The following ATP6V1B1 variants were observed in gnomAD, a reference collection of about 807,000 sequenced individuals.
The protein encoded by ATP6V1B1 is V-type proton ATPase subunit B, kidney isoform.
ATP6V1B1 carries 41 observed loss-of-function variants against 62.1 expected under a neutral mutation model. That is an observed-to-expected ratio of 0.66 (90% CI 0.51 to 0.86). The LOEUF (loss-of-function observed/expected upper bound fraction) is 0.86, where lower values mean the gene tolerates loss of function less well. Ranked by LOEUF, ATP6V1B1 falls within the 40% of genes least tolerant of loss-of-function variation. The pLI, the probability that ATP6V1B1 is intolerant of heterozygous loss-of-function variation, is 0.00. For missense variants in ATP6V1B1, 651 were observed against 697.5 expected (o/e 0.93, Z 0.75); for synonymous variants, 253 against 273.4 (o/e 0.93, Z 0.74).
intron 7 of ATP6V1B1, 75 bp downstream of exon 7, chr2:70,961,097 A>G: frequency 6.9e-7 from 1 of 1,449,310 alleles, no homozygotes. Context: ...CCCTGGCATG[A>G]CCTGATCTGA....
chr2:70,941,654 A>G, intron 1 of ATP6V1B1: 3 of 916,200 alleles, frequency 3.3e-6, no homozygotes, highest in Non-Finnish European at 3.9e-6. Flanking sequence ...TGTCACTTTC[A>G]TTTGCCTAGC....
At chr2:70,944,738 G>A (rs1160413443) in intron 2 of ATP6V1B1, among the ~76,000 whole-genome samples, 1 of 146,658 alleles carries the variant, frequency 6.8e-6, no homozygotes, top group African/African-American at 2.5e-5. Context: ...GCGCAATCTC[G>A]GCTCACTGCA....
At position 70,957,840 on chromosome 2, in the gene ATP6V1B1, C is replaced by G. The variant is rs180866890; in HGVS notation, c.175-206C>G. 4.3e-3 allele frequency: 2,564 copies of G among 601,970 alleles called. 40 individuals carry two copies. Among genetic ancestry groups the G allele is most frequent in the South Asian group, 0.024 (1,304 of 53,950 alleles). The allele number at this position is 601,970 out of a possible 1,614,324, so 37.3% of individuals were successfully genotyped here. ...CTAAGCTTCAGAGTTTCAGCTGTAA[C>G]CTGGTCTTGCAACTCTGAAGTGGGT... On this transcript the variant is annotated intron_variant, in intron 2 of 13. Coordinates refer to ENST00000234396, the MANE Select transcript of ATP6V1B1 (RefSeq NM_001692.4).
rs76805440 is a variant in ATP6V1B1 at position 70,945,780 on chromosome 2, C to A, written c.174+2067C>A. Among the ~76,000 whole-genome samples, 1,059 of 138,778 alleles carry A rather than the reference C, an allele frequency of 7.6e-3. 7 individuals are homozygous for A. The highest frequency in any genetic ancestry group is 0.012 in the Admixed American group (152 of 12,948). The allele number at this position is 138,778 out of a possible 152,430, so 91.0% of individuals were successfully genotyped here. A position where few individuals can be genotyped will look rare whatever the true frequency, so the allele number is the denominator to read the frequency against. On this transcript the variant is annotated intron_variant, in intron 2 of 13. Transcript: ENST00000234396. ...AGTCATCCTATTGTGGTATAGAACACTAGAACTTATTGCTCCTGGCTAGCT... is the reference window on the plus strand; with the variant it reads ...AGTCATCCTATTGTGGTATAGAACAATAGAACTTATTGCTCCTGGCTAGCT...
At chr2:70,964,308 G>A in intron 11 of ATP6V1B1, 130 bp from the exon 12 acceptor site, 3 of 885,788 alleles carry the variant, frequency 3.4e-6, no homozygotes, top group East Asian at 5.2e-5. Flanking sequence ...GGAGATAAGA[G>A]AGGGTGGGTG....
chr2:70,938,026 A>G (rs549438947), intron 1 of ATP6V1B1, among the ~76,000 whole-genome samples: 1 of 152,268 alleles, frequency 6.6e-6, no homozygotes, highest in East Asian at 1.9e-4. Flanking sequence ...GACCCAGAGC[A>G]AAGGTCAGTG....
chr2:70,936,022 G>C lies in ATP6V1B1; in HGVS notation c.68G>C (p.Arg23Pro), dbSNP rs782447716. Residue 23 changes from arginine to proline, a missense_variant, in exon 1 of 14, where the codon CGA (arginine) becomes CCA (proline). Coordinates refer to ENST00000234396, the MANE Select transcript of ATP6V1B1 (RefSeq NM_001692.4). ...AGTAGCTGCAACCTAGGTGCAGCCC[G>C]AGAACACATGCAGGCGGTCACCCGA... The part of the protein sequence containing the change: ...PGSSCNLGAA[R>P]EHMQAVTRNY... 11 of 1,614,062 alleles carry C rather than the reference G, an allele frequency of 6.8e-6. No individual in the cohort carries two copies. The highest frequency in any genetic ancestry group is 7.6e-6 in the Non-Finnish European group (9 of 1,179,966).
Position 70,963,504 on chromosome 2 carries a change from C to A in ATP6V1B1, c.1061-68C>A. On this transcript the variant is annotated intron_variant, in intron 10 of 13. Transcript: ENST00000234396. This position sits in a 1 kb window ranked among gnomAD's most constrained non-coding sequence, Gnocchi z 4.3. ...ATCACTCCCATGAGGGAAACAGACC[C>A]CAGGTGGCCCTGAGTGGTTGGAGAC... 1 of 1,559,754 alleles carries A rather than the reference C, an allele frequency of 6.4e-7. No individual in the cohort carries two copies. Among genetic ancestry groups the A allele is most frequent in the Non-Finnish European group, 8.8e-7 (1 of 1,131,428 alleles).
chr2:70,939,061 G>A (rs1572905036), intron 1 of ATP6V1B1, among the ~76,000 whole-genome samples: 1 of 152,252 alleles, frequency 6.6e-6, no homozygotes, highest in Non-Finnish European at 1.5e-5. Context: ...CAGGGAGGAG[G>A]TGCGGGACCT....
At chr2:70,956,813 C>T (rs1572918244) in intron 2 of ATP6V1B1, among the ~76,000 whole-genome samples, 1 of 152,064 alleles carries the variant, frequency 6.6e-6, no homozygotes, top group South Asian at 2.1e-4. Flanking sequence ...TGATCTCAAA[C>T]TCCTTATGTG....
rs1016003883 is a variant in ATP6V1B1 at position 70,941,755 on chromosome 2, G to C, written c.119-1903G>C. ...AAGGCAGATCTCAGAGGAAAGGAGAGGAAGAAGTGGAGAGCCAGGCCAAAC... is the reference window on the plus strand; with the variant it reads ...AAGGCAGATCTCAGAGGAAAGGAGACGAAGAAGTGGAGAGCCAGGCCAAAC... On this transcript the variant is annotated intron_variant, in intron 1 of 13. Transcript: ENST00000234396. 2.5e-5 allele frequency: 25 copies of C among 985,854 alleles called. No homozygotes were observed. In the African/African-American group the frequency reaches 3.8e-4, roughly 15 times the overall value. 61.1% of individuals were successfully genotyped at this position (985,854 alleles called of 1,614,324 possible).
In ATP6V1B1 at chr2:70,943,662, C is replaced by T. The variant is rs782151715; in HGVS notation, c.123C>T (p.Tyr41=). Residue 41 remains tyrosine, a synonymous_variant, in exon 2 of 14, where the codon TAC becomes TAT. Transcript: ENST00000234396. ...TCACCCCCGCCCCTCCCCCAGCCTA[C>T]AGGACTGTGTGCAGCGTGAACGGGC... ...RNYITHPRVT[Y]RTVCSVNGPL... 9.9e-6 allele frequency: 16 copies of T among 1,613,902 alleles called. No homozygotes were observed. The East Asian group carries it at 1.3e-4, about 13-fold the overall frequency.
At position 70,959,149 on chromosome 2, in the gene ATP6V1B1, C is replaced by A. The variant is rs1680519422; in HGVS notation, c.445+54C>A. ...CGGGACCCAGCCCTAACACCTTCCC[C>A]ACTCTTGGAAGTTCTGCCCAGACTC... On this transcript the variant is annotated intron_variant, in intron 5 of 13. Coordinates refer to ENST00000234396, the MANE Select transcript of ATP6V1B1 (RefSeq NM_001692.4). The surrounding 1 kb of genome is among the most constrained non-coding windows in gnomAD (Gnocchi z 4.2). The A allele has an allele frequency of 1.3e-6, 2 of 1,576,760 alleles. No homozygotes were observed. The highest frequency in any genetic ancestry group is 1.7e-6 in the Non-Finnish European group (2 of 1,147,162).
intron 1 of ATP6V1B1, chr2:70,939,558 C>G (rs1404432212): frequency 6.6e-6 from 1 of 152,270 alleles, no homozygotes; most frequent in Non-Finnish European, 1.5e-5. Flanking sequence ...AAGGGACACA[C>G]GGAGGTAGGG....
At chr2:70,945,854 C>A (rs1268176297) in intron 2 of ATP6V1B1, among the ~76,000 whole-genome samples, 1 of 151,168 alleles carries the variant, frequency 6.6e-6, no homozygotes, top group Non-Finnish European at 1.5e-5. Flanking sequence ...CTACACTTCC[C>A]CCTATTCCCT....
chr2:70,941,873 G>A lies in ATP6V1B1; in HGVS notation c.119-1785G>A. 3.0e-6 allele frequency: 3 copies of A among 986,544 alleles called. No individual in the cohort carries two copies. In the South Asian group the frequency reaches 1.4e-4, roughly 46 times the overall value. The allele number at this position is 986,544 out of a possible 1,614,324, so 61.1% of individuals were successfully genotyped here. ...CGGCCCCAGAGGGAAGCTTCCAAAG[G>A]ACAGTGCACCCAGGCTCTGAGTGTA... On this transcript the variant is annotated intron_variant, in intron 1 of 13. Coordinates refer to ENST00000234396, the MANE Select transcript of ATP6V1B1 (RefSeq NM_001692.4).
At chr2:70,960,676 C>T (rs1327358665) in intron 6 of ATP6V1B1, among the ~76,000 whole-genome samples, 3 of 152,188 alleles carry the variant, frequency 2.0e-5, no homozygotes. Flanking sequence ...TACCCAGACC[C>T]ATAAAGAGGC....
intron 2 of ATP6V1B1, among the ~76,000 whole-genome samples, chr2:70,944,593 C>T (rs1254070294): frequency 1.3e-5 from 2 of 152,116 alleles, no homozygotes; most frequent in East Asian, 1.9e-4. Context: ...TGTCTCCATC[C>T]TCCAGCCCTT....
chr2:70,961,891 A>G, intron 8 of ATP6V1B1, 198 bp downstream of exon 8: 1 of 633,186 alleles, frequency 1.6e-6, no homozygotes, highest in Non-Finnish European at 2.9e-6. Context: ...GAGCCAGAAC[A>G]TGACTCTGTC....
Sources: gnomAD v4.1 joint callset for allele counts (sites outside exome capture counted in the v4.1 genomes callset) on GRCh38, gnomAD v4.1.1 for gene constraint, Gnocchi (gnomAD v3.1) non-coding constraint, MANE v1.5 for transcripts, NCBI Gene and HGNC (gene_info 2026-07-23, HGNC 2026-07-21) for gene names.